NETO2: variants seen among roughly 807,000 people sequenced by gnomAD.
NETO2 encodes neuropilin and tolloid-like protein 2.
In NETO2, 28 loss-of-function variants were observed where a neutral mutation model predicts 62.5. The ratio of observed to expected loss-of-function variants is 0.45; its 90% CI spans 0.33 to 0.61. The LOEUF (loss-of-function observed/expected upper bound fraction) is 0.61, where lower values mean the gene tolerates loss of function less well. Ranked by LOEUF, NETO2 falls within the 20% of genes least tolerant of loss-of-function variation. The pLI, the probability that NETO2 is intolerant of heterozygous loss-of-function variation, is 0.02. For missense variants in NETO2, 548 were observed against 643.2 expected (o/e 0.85, Z 1.60); for synonymous variants, 214 against 219.1 (o/e 0.98, Z 0.21).
At chr16:47,084,551 A>C (rs974484264) in intron 8 of NETO2, among the ~76,000 whole-genome samples, 6 of 152,352 alleles carry the variant, frequency 3.9e-5, no homozygotes, top group African/African-American at 1.4e-4. Flanking sequence ...TATGGATAAC[A>C]ATAATGGATT....
rs1282152168 is a variant in NETO2 at position 47,079,264 on chromosome 16, G to C, written c.*3957C>G. 6.6e-6 allele frequency: 1 copy of C among 150,560 alleles called. No homozygotes were observed. Among genetic ancestry groups the C allele is most frequent in the African/African-American group, 2.5e-5 (1 of 40,672 alleles). 9.3% of individuals were successfully genotyped at this position (150,560 alleles called of 1,614,324 possible). A position where few individuals can be genotyped will look rare whatever the true frequency, so the allele number is the denominator to read the frequency against. On this transcript the variant is annotated 3_prime_UTR_variant, in exon 9 of 9. Transcript: ENST00000562435. The stretch of plus-strand genomic sequence containing the variant: ...CCACTGCACTCTAGCCTGGGTGACA[G>C]AGCGAGACTCTGTCTCAAAAAACAA...
At chr16:47,118,574 T>C (rs1195660028) in intron 6 of NETO2, among the ~76,000 whole-genome samples, 1 of 152,246 alleles carries the variant, frequency 6.6e-6, no homozygotes, top group Non-Finnish European at 1.5e-5. Context: ...ACCATTTATA[T>C]ATACCCTTTA....
intron 7 of NETO2, among the ~76,000 whole-genome samples, chr16:47,092,542 G>A (rs7201148): frequency 6.6e-6 from 1 of 152,080 alleles, no homozygotes; most frequent in Admixed American, 6.5e-5. Flanking sequence ...AGAGGCTGCA[G>A]GTGGCTGGCG....
chr16:47,139,639 A>T (rs1433718097), intron 1 of NETO2, among the ~76,000 whole-genome samples: 1 of 152,256 alleles, frequency 6.6e-6, no homozygotes, highest in Non-Finnish European at 1.5e-5. Context: ...CCAAAGAACA[A>T]AAAAAGTACC....
intron 1 of NETO2, among the ~76,000 whole-genome samples, chr16:47,133,017 T>C (rs1475674956): frequency 6.6e-6 from 1 of 152,190 alleles, no homozygotes; most frequent in African/African-American, 2.4e-5. Context: ...TATAGTATTT[T>C]TATGTGCCAG....
chr16:47,098,120 C>T (rs1321308287), intron 7 of NETO2, among the ~76,000 whole-genome samples: 2 of 152,140 alleles, frequency 1.3e-5, no homozygotes, highest in African/African-American at 4.8e-5. Flanking sequence ...TCCTCTTCTC[C>T]TCCAAAGGAT....
At chr16:47,100,700 T>C (rs903497306) in intron 7 of NETO2, among the ~76,000 whole-genome samples, 56 of 152,066 alleles carry the variant, frequency 3.7e-4, no homozygotes, top group African/African-American at 2.4e-5. Context: ...CTAGAAAATA[T>C]AGAAGAAATG....
chr16:47,083,268 T>C lies in NETO2; in HGVS notation c.1531A>G (p.Arg511Gly), dbSNP rs1298322629. The change falls in exon 9 of 9, where the codon AGG becomes GGG. Residue 511 changes from arginine to glycine, a missense_variant. Physicochemically the swap from Arg to Gly is moderately radical, Grantham distance 125. Transcript: ENST00000562435. ...GCTTGTGCAGAATCTTCTCGCCCCCTGACATAAATTTCACAGGGAATCTCC... is the reference window on the plus strand; with the variant it reads ...GCTTGTGCAGAATCTTCTCGCCCCCCGACATAAATTTCACAGGGAATCTCC... ...MEEIPCEIYV[R>G]GREDSAQASI... 4 of 1,613,734 alleles carry C rather than the reference T, an allele frequency of 2.5e-6. No homozygotes were observed. Among genetic ancestry groups the C allele is most frequent in the East Asian group, 2.2e-5 (1 of 44,892 alleles).
At chr16:47,091,980 C>T (rs965560859) in intron 7 of NETO2, among the ~76,000 whole-genome samples, 2 of 151,834 alleles carry the variant, frequency 1.3e-5, no homozygotes, top group Non-Finnish European at 2.9e-5. Flanking sequence ...GTAGCTGGAA[C>T]CACAGGTTTG....
At chr16:47,141,838 C>A (rs778942775) in intron 1 of NETO2, among the ~76,000 whole-genome samples, 3 of 152,220 alleles carry the variant, frequency 2.0e-5, no homozygotes, top group Admixed American at 6.5e-5. Flanking sequence ...GTACAACACT[C>A]AACGCTTCAC....
chr16:47,086,099 C>T (rs1963183762), intron 8 of NETO2, 127 bp downstream of exon 8: 1 of 697,756 alleles, frequency 1.4e-6, no homozygotes, highest in Non-Finnish European at 2.6e-6. Context: ...GAGCAGGACT[C>T]CGTCTCAAAC....
At chr16:47,092,341 G>A (rs1963329550) in intron 7 of NETO2, among the ~76,000 whole-genome samples, 2 of 152,178 alleles carry the variant, frequency 1.3e-5, no homozygotes, top group African/African-American at 4.8e-5. Context: ...CTTCCAGCAA[G>A]GCACCTAACA....
chr16:47,101,509 A>G (rs558136497), intron 7 of NETO2, among the ~76,000 whole-genome samples: 4 of 152,374 alleles, frequency 2.6e-5, no homozygotes, highest in Admixed American at 2.6e-4. Context: ...CTGTTTGCAG[A>G]TGACATGATT....
intron 6 of NETO2, among the ~76,000 whole-genome samples, chr16:47,115,731 A>G (rs1963904287): frequency 3.2e-5 from 4 of 124,542 alleles, no homozygotes; most frequent in Admixed American, 2.3e-4. Flanking sequence ...ATATATATAT[A>G]CATGTATATA....
At chr16:47,091,083 C>T (rs1237161828) in intron 7 of NETO2, among the ~76,000 whole-genome samples, 1 of 152,152 alleles carries the variant, frequency 6.6e-6, no homozygotes, top group African/African-American at 2.4e-5. Flanking sequence ...CTAATTGGAG[C>T]TCTGAAATTT....
intron 1 of NETO2, among the ~76,000 whole-genome samples, chr16:47,141,112 G>T (rs1379946774): frequency 6.6e-6 from 1 of 152,152 alleles, no homozygotes; most frequent in Non-Finnish European, 1.5e-5. Context: ...TGTCTTAATG[G>T]CTGAAAGTAA....
intron 2 of NETO2, 134 bp from the exon 3 acceptor site, chr16:47,129,498 T>C (rs1964222359): frequency 2.3e-6 from 2 of 877,500 alleles, no homozygotes; most frequent in Non-Finnish European, 3.5e-6. Flanking sequence ...CTGTCAAATT[T>C]AGCACAATAA....
chr16:47,082,792 CAA>C lies in NETO2; in HGVS notation c.*427_*428del, dbSNP rs1963095171. ...ATGGTAAAACGATAGGCTTATAAAA[CAA>C]ATTAAATTTAGAGAAAGGAAAAATA... is the stretch of plus-strand genomic sequence containing the variant. On this transcript the variant is annotated 3_prime_UTR_variant, in exon 9 of 9. Transcript: ENST00000562435. The C allele has an allele frequency of 6.4e-6, 1 of 157,284 alleles. No individual in the cohort carries two copies. Among genetic ancestry groups the C allele is most frequent in the African/African-American group, 2.4e-5 (1 of 41,550 alleles). The allele number at this position is 157,284 out of a possible 1,614,324, so 9.7% of individuals were successfully genotyped here.
Position 47,080,595 on chromosome 16 carries a change from G to T in NETO2, c.*2626C>A. On this transcript the variant is annotated 3_prime_UTR_variant, in exon 9 of 9. Coordinates refer to ENST00000562435, the MANE Select transcript of NETO2 (RefSeq NM_018092.5). ...TTCTTACCTCTTCCAAAAGCATAGA[G>T]AAGTTTAATAAATAAATGAGATCTA... 6.6e-6 allele frequency: 1 copy of T among 152,168 alleles called. No individual in the cohort carries two copies. Among genetic ancestry groups the T allele is most frequent in the East Asian group, 1.9e-4 (1 of 5,202 alleles). The allele number at this position is 152,168 out of a possible 1,614,324, so 9.4% of individuals were successfully genotyped here.
Sources: gnomAD v4.1 joint callset for allele counts (sites outside exome capture counted in the v4.1 genomes callset) on GRCh38, gnomAD v4.1.1 for gene constraint, MANE v1.5 for transcripts, NCBI Gene and HGNC (gene_info 2026-07-23, HGNC 2026-07-21) for gene names.